The following GLG1 variants were observed in gnomAD, a reference collection of about 807,000 sequenced individuals.
GLG1 encodes Golgi apparatus protein 1.
GLG1 carries 38 observed loss-of-function variants against 160.5 expected under a neutral mutation model. The ratio of observed to expected loss-of-function variants is 0.24; its 90% CI spans 0.18 to 0.31. The LOEUF is 0.31. GLG1 is among the 10% of genes least tolerant of loss of function. GLG1 has a pLI of 1.00. For synonymous variants in GLG1, 644 were observed against 543.4 expected (o/e 1.19, Z -2.57); for missense variants, 1,373 against 1,505.2 (o/e 0.91, Z 1.45).
intron 9 of GLG1, among the ~76,000 whole-genome samples, chr16:74,484,437 A>G (rs1334755784): frequency 2.0e-5 from 3 of 152,024 alleles, no homozygotes; most frequent in Non-Finnish European, 4.4e-5. Flanking sequence ...AGTAACTGGG[A>G]TTACAGGTAT....
At chr16:74,459,585 G>T in intron 23 of GLG1, 97 bp downstream of exon 23, 1 of 680,352 alleles carries the variant, frequency 1.5e-6, no homozygotes, top group Non-Finnish European at 2.6e-6. Flanking sequence ...TGAGATTTTT[G>T]GTTTTATTAC....
intron 2 of GLG1, among the ~76,000 whole-genome samples, chr16:74,514,114 A>G (rs2016902233): frequency 6.6e-6 from 1 of 152,222 alleles, no homozygotes; most frequent in African/African-American, 2.4e-5. Flanking sequence ...GAAACGAACA[A>G]AACCTCCAAG....
intron 10 of GLG1, among the ~76,000 whole-genome samples, chr16:74,481,866 C>T (rs1216198820): frequency 6.6e-6 from 1 of 152,092 alleles, no homozygotes; most frequent in Non-Finnish European, 1.5e-5. Flanking sequence ...CTCAGGGCAA[C>T]CTCCGCCTCC....
chr16:74,468,895 C>G, intron 17 of GLG1, 51 bp downstream of exon 17: 1 of 1,158,688 alleles, frequency 8.6e-7, no homozygotes, highest in African/African-American at 1.5e-5. Flanking sequence ...CCCCAGCTTT[C>G]CAAGCCCTGG....
At chr16:74,591,121 A>G (rs1958172231) in intron 1 of GLG1, among the ~76,000 whole-genome samples, 1 of 152,072 alleles carries the variant, frequency 6.6e-6, no homozygotes, top group Admixed American at 6.6e-5. Context: ...TCACGAGGTC[A>G]GGAGTTTGAG....
At chr16:74,577,259 T>C (rs1597365575) in intron 1 of GLG1, among the ~76,000 whole-genome samples, 2 of 149,978 alleles carry the variant, frequency 1.3e-5, no homozygotes, top group African/African-American at 2.4e-5. Flanking sequence ...TGGTGGCTCC[T>C]GCCTGTAATC....
intron 13 of GLG1, chr16:74,472,820 T>TG (rs2015252687): frequency 3.0e-6 from 1 of 336,266 alleles, no homozygotes; most frequent in African/African-American, 2.2e-5. Flanking sequence ...TCAAAGCAGA[T>TG]GCCAAACCAC....
intron 2 of GLG1, among the ~76,000 whole-genome samples, chr16:74,523,871 A>T (rs761382623): frequency 6.6e-6 from 1 of 152,118 alleles, no homozygotes; most frequent in Non-Finnish European, 1.5e-5. Context: ...TAATTACCTC[A>T]TCTGTAAATA....
At chr16:74,496,675 A>AT in intron 4 of GLG1, 31 bp from the exon 5 acceptor site, 1 of 1,408,092 alleles carries the variant, frequency 7.1e-7, no homozygotes, top group South Asian at 1.2e-5. Flanking sequence ...ATATTTTAAA[A>AT]CTTTTATCAC....
intron 1 of GLG1, among the ~76,000 whole-genome samples, chr16:74,549,382 C>T (rs1428810003): frequency 6.6e-6 from 1 of 152,094 alleles, no homozygotes; most frequent in Non-Finnish European, 1.5e-5. Flanking sequence ...TAAGCTCCGC[C>T]TCCTGGGTTC....
In GLG1 at chr16:74,542,409, T is replaced by C. The variant is rs569763470; in HGVS notation, c.439-10256A>G. On this transcript the variant is annotated intron_variant, in intron 1 of 25. Coordinates refer to ENST00000422840, the MANE Select transcript of GLG1 (RefSeq NM_001145667.2). ...TAGGCCGGGCGCGGTGGCTCACGTCTGTAATTCCAGCACTTTCGGAGGCTG... is the reference window on the plus strand; with the variant it reads ...TAGGCCGGGCGCGGTGGCTCACGTCCGTAATTCCAGCACTTTCGGAGGCTG... Among the ~76,000 whole-genome samples the C allele has an allele frequency of 7.2e-5, 11 of 152,190 alleles. No homozygotes were observed. In the South Asian group the frequency reaches 2.3e-3, roughly 32 times the overall value.
At chr16:74,454,560 G>A (rs928311000) in intron 25 of GLG1, among the ~76,000 whole-genome samples, 2 of 150,166 alleles carry the variant, frequency 1.3e-5, no homozygotes, top group African/African-American at 4.9e-5. Flanking sequence ...CAGCTACTGG[G>A]GAGGCTGAGG....
chr16:74,503,648 G>A lies in GLG1; in HGVS notation c.657C>T (p.Tyr219=), dbSNP rs1597278190. Residue 219 remains tyrosine (Y), a synonymous_variant, in exon 4 of 26, where the codon TAC becomes TAT. Transcript: ENST00000422840. ...AAATGATGGCCGTCATCTTGGTAAT[G>A]TACTGGTGACACTGATACTCAGTGA... ...GNITEYQCHQ[Y]ITKMTAIIFS... 1.2e-6 allele frequency: 2 copies of A among 1,612,190 alleles called. No individual in the cohort carries two copies. The highest frequency in any genetic ancestry group is 1.7e-6 in the Non-Finnish European group (2 of 1,178,202).
chr16:74,474,288 T>G lies in GLG1; in HGVS notation c.2052+258A>C, dbSNP rs1281131134. On this transcript the variant is annotated intron_variant, in intron 13 of 25. Coordinates refer to ENST00000422840, the MANE Select transcript of GLG1 (RefSeq NM_001145667.2). Reference sequence around the variant, plus strand: ...ATCTTAAGGGAGAAACAGAGGCAAGTCTAATGACTATGATAAACCTAATTT... The same window carrying G: ...ATCTTAAGGGAGAAACAGAGGCAAGGCTAATGACTATGATAAACCTAATTT... 5 of 369,260 alleles carry G rather than the reference T, an allele frequency of 1.4e-5. No homozygotes were observed. The East Asian group carries it at 2.2e-4, about 16-fold the overall frequency. The allele number at this position is 369,260 out of a possible 1,614,324, so 22.9% of individuals were successfully genotyped here.
chr16:74,478,957 G>A (rs1415660484), intron 11 of GLG1, among the ~76,000 whole-genome samples: 1 of 140,198 alleles, frequency 7.1e-6, no homozygotes, highest in Non-Finnish European at 1.5e-5. Flanking sequence ...TCTAATCCCA[G>A]CACTTTGGGA....
intron 2 of GLG1, among the ~76,000 whole-genome samples, chr16:74,527,218 C>A (rs1210752124): frequency 7.2e-6 from 1 of 139,184 alleles, no homozygotes; most frequent in East Asian, 2.1e-4. Context: ...TGAAAGTATA[C>A]TGTTATTGTT....
chr16:74,570,142 T>C (rs149140652), intron 1 of GLG1, among the ~76,000 whole-genome samples: 1 of 152,264 alleles, frequency 6.6e-6, no homozygotes, highest in African/African-American at 2.4e-5. Context: ...TTTATATTAA[T>C]AAAAATCAAT....
intron 5 of GLG1, among the ~76,000 whole-genome samples, chr16:74,495,342 G>C (rs2016147586): frequency 6.6e-6 from 1 of 152,164 alleles, no homozygotes; most frequent in Admixed American, 6.5e-5. Context: ...TCGAACTCCT[G>C]ACCTCAAGTG....
chr16:74,490,411 A>G (rs1035574440), intron 8 of GLG1, among the ~76,000 whole-genome samples: 35 of 152,238 alleles, frequency 2.3e-4, no homozygotes, highest in Non-Finnish European at 3.8e-4. Context: ...GGAACTTAAC[A>G]TTAAATTAAA....
Sources: gnomAD v4.1 joint callset for allele counts (sites outside exome capture counted in the v4.1 genomes callset) on GRCh38, gnomAD v4.1.1 for gene constraint, MANE v1.5 for transcripts, NCBI Gene and HGNC (gene_info 2026-07-23, HGNC 2026-07-21) for gene names.